The following ANKRD10 variants were observed in gnomAD, a reference collection of about 807,000 sequenced individuals.
The protein encoded by ANKRD10 is ankyrin repeat domain 10, also known as ankyrin repeat domain-containing protein 10.
A neutral mutation model predicts 27.0 loss-of-function variants in ANKRD10; 14 were observed. The ratio of observed to expected loss-of-function variants is 0.52; its 90% CI spans 0.34 to 0.81. The LOEUF (loss-of-function observed/expected upper bound fraction) is 0.81, where lower values mean the gene tolerates loss of function less well. Among genes scored for constraint, ANKRD10 ranks in the 40% least tolerant of loss-of-function variants. The pLI is 0.01. For missense variants in ANKRD10, 493 were observed against 544.0 expected (o/e 0.91, Z 0.93); for synonymous variants, 250 against 224.5 (o/e 1.11, Z -1.01).
chr13:110,914,260 C>T (rs955550552), intron 1 of ANKRD10, among the ~76,000 whole-genome samples: 2 of 152,184 alleles, frequency 1.3e-5, no homozygotes, highest in Non-Finnish European at 2.9e-5. Flanking sequence ...GCATTCCCCG[C>T]GCGCCTCTGA....
rs1191326139 is a variant in ANKRD10 at position 110,879,351 on chromosome 13, C to CT, written c.*285dup. 2.8e-6 allele frequency: 1 copy of CT among 357,010 alleles called. No homozygotes were observed. The highest frequency in any genetic ancestry group is 5.1e-6 in the Non-Finnish European group (1 of 195,046). The allele number at this position is 357,010 out of a possible 1,614,324, so 22.1% of individuals were successfully genotyped here. ...TTAACAAAAAGAAAAATGGCAATATCTGGTGACAGTATTAAAAAGACAATG... is the reference window on the plus strand; with the variant it reads ...TTAACAAAAAGAAAAATGGCAATATCTTGGTGACAGTATTAAAAAGACAATG... On this transcript the variant is annotated 3_prime_UTR_variant, in exon 6 of 6. Coordinates refer to ENST00000267339, the MANE Select transcript of ANKRD10 (RefSeq NM_017664.4).
At chr13:110,894,179 T>C in intron 3 of ANKRD10, 2 of 1,612,158 alleles carry the variant, frequency 1.2e-6, no homozygotes, top group Non-Finnish European at 1.7e-6. Flanking sequence ...AAGACAAGAA[T>C]GTACACTGCT....
chr13:110,894,425 A>AAAAAAC (rs1158744820), intron 3 of ANKRD10: 3 of 295,910 alleles, frequency 1.0e-5, no homozygotes, highest in Non-Finnish European at 1.9e-5. Flanking sequence ...AAAAAAAAAA[A>AAAAAAC]AACCCCGCAT....
intron 1 of ANKRD10, among the ~76,000 whole-genome samples, chr13:110,912,943 T>C (rs1204651422): frequency 1.3e-5 from 2 of 152,206 alleles, no homozygotes. Context: ...CTGGAAACAA[T>C]GAAGTAACTG....
At chr13:110,886,451 G>A (rs546495492) in intron 4 of ANKRD10, among the ~76,000 whole-genome samples, 30 of 152,324 alleles carry the variant, frequency 2.0e-4, no homozygotes, top group African/African-American at 7.2e-4. Context: ...TCTATACGGT[G>A]TAGTTCCCAC....
Position 110,893,125 on chromosome 13 carries a change from A to C in ANKRD10, c.594T>G (p.His198Gln), listed in dbSNP as rs371679863. The change falls in exon 4 of 6, where the codon CAT becomes CAG. Residue 198 changes from histidine to glutamine, a missense_variant. Transcript: ENST00000267339. Reference protein sequence around the residue: ...FYNNGILNGGHQNVFPNHISV... With the variant: ...FYNNGILNGGQQNVFPNHISV... The stretch of plus-strand genomic sequence containing the variant: ...TAATATGATTAGGAAATACATTCTG[A>C]TGACCCCCATTTAAGATGCCATTGT... The C allele has an allele frequency of 4.3e-6, 7 of 1,614,096 alleles. No homozygotes were observed. The highest frequency in any genetic ancestry group is 5.9e-6 in the Non-Finnish European group (7 of 1,180,038).
At chr13:110,913,815 A>T (rs1394657915) in intron 1 of ANKRD10, among the ~76,000 whole-genome samples, 1 of 152,218 alleles carries the variant, frequency 6.6e-6, no homozygotes, top group Non-Finnish European at 1.5e-5. Context: ...AATTAAAACC[A>T]GTCACTTCTG....
intron 3 of ANKRD10, among the ~76,000 whole-genome samples, 166 bp from the exon 4 acceptor site, chr13:110,893,429 T>TC (rs2065136581): frequency 6.6e-6 from 1 of 152,248 alleles, no homozygotes; most frequent in Non-Finnish European, 1.5e-5. Context: ...AACTAACTTC[T>TC]CTTATATACA....
chr13:110,884,428 C>T (rs1285386898), intron 4 of ANKRD10, among the ~76,000 whole-genome samples: 2 of 152,330 alleles, frequency 1.3e-5, no homozygotes, highest in Middle Eastern at 3.4e-3. Flanking sequence ...GTCATACCCA[C>T]GCTGCACAAG....
At chr13:110,900,112 G>A (rs2065344148) in intron 3 of ANKRD10, among the ~76,000 whole-genome samples, 1 of 152,046 alleles carries the variant, frequency 6.6e-6, no homozygotes, top group South Asian at 2.1e-4. Context: ...TTATATCTAA[G>A]AATTCTCCCC....
chr13:110,893,875 T>C (rs1033089722), intron 3 of ANKRD10, among the ~76,000 whole-genome samples: 7 of 152,234 alleles, frequency 4.6e-5, no homozygotes, highest in Admixed American at 4.6e-4. Flanking sequence ...TGCAGGAGTA[T>C]TGTATTTTTG....
chr13:110,911,026 ATT>A (rs1348681653), intron 1 of ANKRD10, among the ~76,000 whole-genome samples: 5 of 152,192 alleles, frequency 3.3e-5, no homozygotes, highest in South Asian at 2.1e-4. Context: ...AGATTTAAAT[ATT>A]TGTTTCCCTA....
At chr13:110,892,415 G>GAA (rs1381734881) in intron 4 of ANKRD10, among the ~76,000 whole-genome samples, 1 of 2,588 alleles carries the variant, frequency 3.9e-4, no homozygotes. Context: ...GGGTGACAGA[G>GAA]CAAAAAAAAA....
intron 5 of ANKRD10, among the ~76,000 whole-genome samples, chr13:110,881,086 T>C (rs1275853597): frequency 6.6e-6 from 1 of 152,232 alleles, no homozygotes; most frequent in African/African-American, 2.4e-5. Flanking sequence ...TATTCTTCTG[T>C]ATACTGGAAC....
Position 110,914,790 on chromosome 13 carries a change from G to A in ANKRD10, c.145C>T (p.His49Tyr), listed in dbSNP as rs754122880. 8 of 1,596,716 alleles carry A rather than the reference G, an allele frequency of 5.0e-6. No individual in the cohort carries two copies. In the South Asian group the frequency reaches 5.7e-5, roughly 11 times the overall value. The change falls in exon 1 of 6, where the codon CAC becomes TAC. Residue 49 changes from histidine (H) to tyrosine (Y), a missense_variant. Transcript: ENST00000267339. ...CSLLQQTPHA[H>Y]LASEDSFYGW... ...TAGAAGGAGTCCTCAGAGGCCAGGTGGGCGTGGGGTGTCTGCTGCAGCAGC... is the reference window on the plus strand; with the variant it reads ...TAGAAGGAGTCCTCAGAGGCCAGGTAGGCGTGGGGTGTCTGCTGCAGCAGC...
chr13:110,885,760 A>AC (rs1284563937), intron 4 of ANKRD10, among the ~76,000 whole-genome samples: 28 of 83,348 alleles, frequency 3.4e-4, no homozygotes, highest in Non-Finnish European at 9.7e-4. Context: ...GGTTTGTACA[A>AC]AAGAGTGGAC....
intron 3 of ANKRD10, among the ~76,000 whole-genome samples, chr13:110,901,200 T>C (rs1431170898): frequency 1.3e-5 from 2 of 152,220 alleles, no homozygotes; most frequent in African/African-American, 4.8e-5. Flanking sequence ...AAGAAATACA[T>C]GTGTATTTTT....
At chr13:110,914,566 C>T in intron 1 of ANKRD10, 159 bp downstream of exon 1, 1 of 1,058,392 alleles carries the variant, frequency 9.4e-7, no homozygotes, top group South Asian at 3.8e-5. Flanking sequence ...GCGAGCGCTG[C>T]CGCACAGGCG....
At chr13:110,883,613 G>C (rs749724302) in intron 5 of ANKRD10, 85 bp downstream of exon 5, 1 of 1,572,522 alleles carries the variant, frequency 6.4e-7, no homozygotes, top group Non-Finnish European at 8.7e-7. Context: ...TATTTCTTTT[G>C]GTCCAACAGA....
Sources: allele counts gnomAD v4.1 joint callset (sites outside exome capture counted in the v4.1 genomes callset), GRCh38; gene constraint gnomAD v4.1.1; transcripts MANE v1.5; gene names NCBI Gene and HGNC (gene_info 2026-07-23, HGNC 2026-07-21).